Variants in ALG6 observed in about 807,000 individuals in gnomAD.
The protein encoded by ALG6 is dolichyl pyrophosphate Man9GlcNAc2 alpha-1,3-glucosyltransferase.
Under a neutral mutation model 66.6 loss-of-function variants are expected in ALG6, and 46 were observed. The observed-to-expected ratio is 0.69, with a 90% confidence interval of 0.55 to 0.88. The LOEUF (loss-of-function observed/expected upper bound fraction) is 0.88. Ranked by LOEUF, ALG6 falls within the 40% of genes least tolerant of loss-of-function variation. The pLI is 0.00. For synonymous variants in ALG6, 185 were observed against 203.7 expected (o/e 0.91, Z 0.78); for missense variants, 505 against 586.8 (o/e 0.86, Z 1.44).
At chr1:63,382,674 TTTTTG>T (rs1648364215) in intron 2 of ALG6, among the ~76,000 whole-genome samples, 2 of 134,356 alleles carry the variant, frequency 1.5e-5, no homozygotes, top group African/African-American at 3.0e-5. Context: ...TGTTTTTTTT[TTTTTG>T]TTTTTTTTTT....
intron 1 of ALG6, among the ~76,000 whole-genome samples, 189 bp downstream of exon 1, chr1:63,367,876 C>T (rs1647777274): frequency 6.6e-6 from 1 of 152,158 alleles, no homozygotes; most frequent in African/African-American, 2.4e-5. Flanking sequence ...TGAGGGGACG[C>T]GGTGATAGTG....
At chr1:63,414,590 A>C (rs375926498) in intron 10 of ALG6, among the ~76,000 whole-genome samples, 13 of 152,198 alleles carry the variant, frequency 8.5e-5, no homozygotes, top group African/African-American at 2.9e-4. Context: ...TAAAAGACCT[A>C]TTGCTCTGTA....
intron 12 of ALG6, among the ~76,000 whole-genome samples, chr1:63,421,843 A>G (rs9436228): frequency 0.84 from 125,504 of 148,590 alleles, 53,591 homozygotes; most frequent in East Asian, 0.98. Context: ...TGGAAACGGA[A>G]GGGAACATCA....
intron 12 of ALG6, among the ~76,000 whole-genome samples, chr1:63,420,133 A>G (rs1009106583): frequency 2.6e-5 from 4 of 152,166 alleles, no homozygotes; most frequent in East Asian, 1.9e-4. Context: ...GGCAGGCAGT[A>G]TTGCTTTTAT....
chr1:63,398,997 A>G (rs1249073505), intron 3 of ALG6, among the ~76,000 whole-genome samples: 1 of 152,178 alleles, frequency 6.6e-6, no homozygotes, highest in Non-Finnish European at 1.5e-5. Flanking sequence ...TTCTGCTCAG[A>G]GTTTCGGGAA....
intron 14 of ALG6, among the ~76,000 whole-genome samples, chr1:63,434,716 T>C (rs1009816281): frequency 5.3e-5 from 8 of 152,174 alleles, no homozygotes; most frequent in Admixed American, 3.9e-4. Context: ...GCCAAAAGAT[T>C]GGACAACCCT....
At chr1:63,373,348 AT>A (rs914918371) in intron 2 of ALG6, among the ~76,000 whole-genome samples, 32 of 148,094 alleles carry the variant, frequency 2.2e-4, no homozygotes, top group Non-Finnish European at 4.5e-4. Flanking sequence ...CTCTTAAAAC[AT>A]TTTTTTTTGG....
intron 12 of ALG6, among the ~76,000 whole-genome samples, chr1:63,422,154 A>ATTT (rs1644578860): frequency 9.2e-6 from 1 of 108,764 alleles, no homozygotes; most frequent in Non-Finnish European, 1.7e-5. Context: ...TATAAATATA[A>ATTT]ATATATATAT....
At chr1:63,406,175 GCTGA>G in intron 5 of ALG6, 138 bp from the exon 6 acceptor site, 1 of 718,374 alleles carries the variant, frequency 1.4e-6, no homozygotes, top group East Asian at 2.7e-5. Flanking sequence ...ATTGAAAAGT[GCTGA>G]CTGTGTAAAG....
intron 11 of ALG6, among the ~76,000 whole-genome samples, chr1:63,417,259 G>A (rs1404422328): frequency 1.2e-4 from 19 of 152,188 alleles, no homozygotes; most frequent in Non-Finnish European, 1.5e-5. Context: ...GAAGTAGAAT[G>A]CTAAATAAAT....
At chr1:63,435,792 C>T (rs1644675532) in intron 14 of ALG6, among the ~76,000 whole-genome samples, 1 of 152,034 alleles carries the variant, frequency 6.6e-6, no homozygotes, top group Non-Finnish European at 1.5e-5. Flanking sequence ...TTCAAATGCC[C>T]AATAGCCACA....
At chr1:63,436,704 T>A in intron 14 of ALG6, 119 bp from the exon 15 acceptor site, 2 of 981,982 alleles carry the variant, frequency 2.0e-6, no homozygotes, top group Non-Finnish European at 3.2e-6. Context: ...TACACCAGAA[T>A]AAATTAGACC....
chr1:63,431,560 G>A (rs1644645572), intron 14 of ALG6, among the ~76,000 whole-genome samples: 1 of 152,102 alleles, frequency 6.6e-6, no homozygotes, highest in Admixed American at 6.5e-5. Context: ...GGGACTATGG[G>A]CCTGTGCCAC....
In ALG6 at chr1:63,414,135, A is replaced by G. The variant is rs759310974; in HGVS notation, c.891A>G (p.Gln297=). 1.2e-6 allele frequency: 2 copies of G among 1,606,592 alleles called. No homozygotes were observed. The highest frequency in any genetic ancestry group is 1.7e-6 in the Non-Finnish European group (2 of 1,173,294). ...AGGATATTTTGCCACGTCACATCCA[A>G]TTAATAATGAGGTAAGAGAAACAAA... ...KIKDILPRHI[Q]LIMSFCSTFL... The change falls in exon 10 of 15, where the codon CAA becomes CAG. Residue 297 remains glutamine (Q), a synonymous_variant. Transcript: ENST00000263440.
At position 63,437,155 on chromosome 1, in the gene ALG6, GAA is replaced by G. The variant is rs1360647072; in HGVS notation, c.*138_*139del. The G allele has an allele frequency of 6.3e-6, 5 of 799,302 alleles. No individual in the cohort carries two copies. Among genetic ancestry groups the G allele is most frequent in the Non-Finnish European group, 1.0e-5 (5 of 500,936 alleles). The allele number at this position is 799,302 out of a possible 1,614,324, so 49.5% of individuals were successfully genotyped here. A position where few individuals can be genotyped will look rare whatever the true frequency, so the allele number is the denominator to read the frequency against. On this transcript the variant is annotated 3_prime_UTR_variant, in exon 15 of 15. Coordinates refer to ENST00000263440, the MANE Select transcript of ALG6 (RefSeq NM_013339.4). ...ATGGAACCACAGGAAAGGAAATGGT[GAA>G]AAGTCATTGTTGTCTACACAAAATA...
chr1:63,418,553 A>G (rs997951312), intron 11 of ALG6, among the ~76,000 whole-genome samples: 1 of 152,050 alleles, frequency 6.6e-6, no homozygotes, highest in African/African-American at 2.4e-5. Flanking sequence ...TCTTGTAGGC[A>G]TTGGGATTTT....
intron 7 of ALG6, among the ~76,000 whole-genome samples, chr1:63,408,633 G>GT: frequency 6.6e-6 from 1 of 152,180 alleles, no homozygotes. Flanking sequence ...TAACAATGGT[G>GT]TAAGAGTTCC....
At chr1:63,411,034 G>A in intron 7 of ALG6, 112 bp from the exon 8 acceptor site, 1 of 1,014,784 alleles carries the variant, frequency 9.9e-7, no homozygotes, top group South Asian at 1.5e-5. Flanking sequence ...AATCACATAA[G>A]AGATATGCTA....
intron 12 of ALG6, among the ~76,000 whole-genome samples, chr1:63,422,442 T>A (rs1357497519): frequency 8.2e-6 from 1 of 121,780 alleles, no homozygotes; most frequent in Admixed American, 9.6e-5. Context: ...AATATATATA[T>A]AAATATATAT....
Sources: gnomAD v4.1 joint callset for allele counts (sites outside exome capture counted in the v4.1 genomes callset) on GRCh38, gnomAD v4.1.1 for gene constraint, MANE v1.5 for transcripts, NCBI Gene and HGNC (gene_info 2026-07-23, HGNC 2026-07-21) for gene names.